NRG1: variants seen among roughly 807,000 people sequenced by gnomAD.
NRG1 encodes neuregulin 1, also known as pro-neuregulin-1, membrane-bound isoform.
A neutral mutation model predicts 63.8 loss-of-function variants in NRG1; 18 were observed. The observed-to-expected ratio is 0.28, with a 90% CI of 0.19 to 0.42. The LOEUF is 0.42. Ranked by LOEUF, NRG1 falls within the 10% of genes least tolerant of loss-of-function variation. The pLI, the probability that NRG1 is intolerant of heterozygous loss-of-function variation, is 1.00. For synonymous variants in NRG1, 302 were observed against 301.3 expected, an observed-to-expected ratio of 1.00 and a Z score of -0.02; for missense variants, 762 against 814.7, an observed-to-expected ratio of 0.94 and a Z score of 0.79.
intron 1 of NRG1, among the ~76,000 whole-genome samples, chr8:32,511,207 C>T (rs13253155): frequency 0.16 from 24,738 of 150,212 alleles, 2,262 homozygotes; most frequent in Non-Finnish European, 0.19. Flanking sequence ...CATGTTCAAA[C>T]AATTATGAAA....
chr8:32,507,618 A>AACATG (rs1209181303), intron 1 of NRG1, among the ~76,000 whole-genome samples: 1 of 152,238 alleles, frequency 6.6e-6, no homozygotes, highest in African/African-American at 2.4e-5. Context: ...ATTAAAGAGT[A>AACATG]ACATGAGGTG....
At chr8:32,363,077 T>A (rs1807443549) in intron 1 of NRG1, among the ~76,000 whole-genome samples, 1 of 152,190 alleles carries the variant, frequency 6.6e-6, no homozygotes, top group Non-Finnish European at 1.5e-5. Flanking sequence ...CTTGGTCATT[T>A]GTATCCCTCT....
chr8:32,102,830 C>T (rs1221011973), intron 1 of NRG1, among the ~76,000 whole-genome samples: 1 of 151,942 alleles, frequency 6.6e-6, no homozygotes, highest in Non-Finnish European at 1.5e-5. Context: ...GAATGCCCTC[C>T]ATGCTCACTG....
At chr8:31,654,483 A>G (rs1190666924) in intron 1 of NRG1, among the ~76,000 whole-genome samples, 2 of 152,250 alleles carry the variant, frequency 1.3e-5, no homozygotes, top group Admixed American at 6.5e-5. Flanking sequence ...GAATCATGAT[A>G]CGTGTAATGT....
intron 1 of NRG1, among the ~76,000 whole-genome samples, chr8:32,351,553 C>T (rs1287122745): frequency 6.6e-6 from 1 of 152,060 alleles, no homozygotes; most frequent in Non-Finnish European, 1.5e-5. Context: ...ATAAAGAAGC[C>T]CTCTTTACTT....
intron 1 of NRG1, among the ~76,000 whole-genome samples, chr8:32,118,318 G>A (rs890929413): frequency 1.3e-5 from 2 of 151,926 alleles, no homozygotes; most frequent in Middle Eastern, 3.2e-3. Flanking sequence ...CCGACTCGCC[G>A]CAGAGCTGGT....
intron 1 of NRG1, among the ~76,000 whole-genome samples, chr8:32,569,812 C>T (rs980598903): frequency 1.3e-5 from 2 of 151,704 alleles, no homozygotes; most frequent in Non-Finnish European, 2.9e-5. Flanking sequence ...GGGTGGGCAT[C>T]AGTTCCTTTT....
At chr8:31,783,054 G>A (rs571421941) in intron 1 of NRG1, among the ~76,000 whole-genome samples, 55 of 152,280 alleles carry the variant, frequency 3.6e-4, no homozygotes, top group Admixed American at 6.5e-4. Flanking sequence ...GCTTTCAACT[G>A]TTAACTATGC....
At chr8:31,898,017 CAAAA>C (rs34246447) in intron 1 of NRG1, among the ~76,000 whole-genome samples, 3 of 125,892 alleles carry the variant, frequency 2.4e-5, no homozygotes, top group African/African-American at 3.2e-5. Context: ...AATTCTATCT[CAAAA>C]AAAAAAAAAA....
intron 1 of NRG1, among the ~76,000 whole-genome samples, chr8:32,344,856 A>G (rs1431626378): frequency 6.6e-6 from 1 of 152,138 alleles, no homozygotes; most frequent in Non-Finnish European, 1.5e-5. Context: ...AATCTACTAG[A>G]CAATCTATTA....
intron 1 of NRG1, among the ~76,000 whole-genome samples, chr8:32,450,890 A>G (rs1820869549): frequency 6.6e-6 from 1 of 152,172 alleles, no homozygotes; most frequent in African/African-American, 2.4e-5. Context: ...GTTAAAGACA[A>G]GTCAGTTGGC....
chr8:32,169,620 T>C (rs1017918882), intron 1 of NRG1, among the ~76,000 whole-genome samples: 16 of 152,128 alleles, frequency 1.1e-4, no homozygotes, highest in Non-Finnish European at 2.1e-4. Flanking sequence ...TGAAACACAA[T>C]GCAAACTTGA....
chr8:32,358,382 A>AC (rs1806746895), intron 1 of NRG1, among the ~76,000 whole-genome samples: 1 of 151,720 alleles, frequency 6.6e-6, no homozygotes, highest in African/African-American at 2.4e-5. Context: ...AAAAAAAAAA[A>AC]AAAAAAAAAC....
At chr8:32,653,123 G>GTTTTT (rs150693577) in intron 5 of NRG1, among the ~76,000 whole-genome samples, 2 of 148,342 alleles carry the variant, frequency 1.3e-5, no homozygotes. Flanking sequence ...TTCCTCTTTG[G>GTTTTT]TTTTTTTTTG....
intron 1 of NRG1, among the ~76,000 whole-genome samples, chr8:31,956,040 C>CAAAAAAAAAAAA (rs11386219): frequency 7.8e-6 from 1 of 128,122 alleles, no homozygotes; most frequent in African/African-American, 3.6e-5. Context: ...GAACCTGTCT[C>CAAAAAAAAAAAA]AAAAAAAAAA....
intron 1 of NRG1, among the ~76,000 whole-genome samples, chr8:31,669,320 C>G (rs1056526798): frequency 3.1e-4 from 47 of 152,198 alleles, no homozygotes; most frequent in African/African-American, 1.1e-3. Flanking sequence ...TCACTGCAAC[C>G]TCCACCTCCC....
intron 1 of NRG1, among the ~76,000 whole-genome samples, chr8:32,033,724 T>C (rs1818620134): frequency 6.6e-6 from 1 of 152,078 alleles, no homozygotes; most frequent in Non-Finnish European, 1.5e-5. Context: ...TGAATAGGAG[T>C]TCATATTCAT....
At chr8:32,031,034 C>T (rs1164188611) in intron 1 of NRG1, among the ~76,000 whole-genome samples, 2 of 152,134 alleles carry the variant, frequency 1.3e-5, no homozygotes, top group Non-Finnish European at 2.9e-5. Context: ...ACCCTAAAGG[C>T]TACAAGAAGA....
intron 1 of NRG1, among the ~76,000 whole-genome samples, chr8:32,345,989 C>G (rs148729164): frequency 4.1e-4 from 62 of 151,040 alleles, no homozygotes; most frequent in African/African-American, 1.4e-3. Context: ...GTCTGGGTGA[C>G]AGAGTGAAAT....
Sources: gnomAD v4.1 joint callset for allele counts (sites outside exome capture counted in the v4.1 genomes callset) on GRCh38, gnomAD v4.1.1 for gene constraint, MANE v1.5 for transcripts, NCBI Gene and HGNC (gene_info 2026-07-23, HGNC 2026-07-21) for gene names.